BIN2: variants seen among roughly 807,000 people sequenced by gnomAD.
The protein encoded by BIN2 is breast cancer associated protein BRAP1.
BIN2 carries 43 observed loss-of-function variants against 67.9 expected under a neutral mutation model. The observed-to-expected ratio is 0.63, with a 90% CI of 0.50 to 0.82. The LOEUF is 0.82. Ranked by LOEUF, BIN2 falls within the 40% of genes least tolerant of loss-of-function variation. BIN2 has a pLI of 0.00. For synonymous variants in BIN2, 244 were observed against 246.8 expected, an observed-to-expected ratio of 0.99 and a Z score of 0.11; for missense variants, 581 against 671.6, an observed-to-expected ratio of 0.87 and a Z score of 1.49.
chr12:51,287,828 T>C (rs562625701), intron 11 of BIN2, among the ~76,000 whole-genome samples: 5 of 151,542 alleles, frequency 3.3e-5, no homozygotes, highest in Admixed American at 6.6e-5. Context: ...ATTTTTTGTA[T>C]TTTTAGTAGA....
chr12:51,286,626 T>TTA (rs2137341380), intron 11 of BIN2, among the ~76,000 whole-genome samples: 1 of 152,262 alleles, frequency 6.6e-6, no homozygotes, highest in South Asian at 2.1e-4. Flanking sequence ...ATATAATACA[T>TTA]TATAAAATCA....
intron 10 of BIN2, among the ~76,000 whole-genome samples, chr12:51,290,543 C>T (rs1294758714): frequency 6.6e-6 from 1 of 151,946 alleles, no homozygotes; most frequent in Non-Finnish European, 1.5e-5. Context: ...AAGTCAATTA[C>T]TGGCTGGGCG....
chr12:51,314,134 G>A lies in BIN2; in HGVS notation c.82-231C>T, dbSNP rs562560433. On this transcript the variant is annotated intron_variant, in intron 1 of 12. Transcript: ENST00000615107. ...ACGATCTCGGCTCACTGCAACCTTCGCCTCCCAGGTTCAAGCAATTCTCCT... is the reference window on the plus strand; with the variant it reads ...ACGATCTCGGCTCACTGCAACCTTCACCTCCCAGGTTCAAGCAATTCTCCT... Among the ~76,000 whole-genome samples the A allele has an allele frequency of 1.1e-4, 17 of 151,864 alleles. No individual in the cohort carries two copies. In the South Asian group the frequency reaches 1.2e-3, roughly 11 times the overall value.
At chr12:51,300,673 A>G (rs1320481128) in intron 5 of BIN2, among the ~76,000 whole-genome samples, 1 of 152,196 alleles carries the variant, frequency 6.6e-6, no homozygotes, top group African/African-American at 2.4e-5. Flanking sequence ...GAACCGTTTC[A>G]TTCTCTCAGT....
At chr12:51,287,593 G>T (rs4991750) in intron 11 of BIN2, among the ~76,000 whole-genome samples, 1 of 151,554 alleles carries the variant, frequency 6.6e-6, no homozygotes, top group African/African-American at 2.4e-5. Flanking sequence ...CGCCCACCTC[G>T]GCCTCCCAAA....
At chr12:51,313,446 C>T (rs1481825353) in intron 2 of BIN2, among the ~76,000 whole-genome samples, 1 of 151,862 alleles carries the variant, frequency 6.6e-6, no homozygotes, top group Non-Finnish European at 1.5e-5. Flanking sequence ...TCAAGTGATT[C>T]TCCTGCCTCA....
In BIN2 at chr12:51,288,106, A is replaced by T. The variant is rs753858744; in HGVS notation, c.1596+2T>A. ...CATGTAGATGACTTAGGCTTTTAGT[A>T]CCTCCGAGGAGTTAGCTGAGATAAG... On this transcript the variant is annotated splice_donor_variant, in intron 11 of 12. Transcript: ENST00000615107. LOFTEE classifies it high-confidence loss of function. The T allele has an allele frequency of 3.1e-6, 5 of 1,607,272 alleles. No homozygotes were observed. In the African/African-American group the frequency reaches 5.3e-5, roughly 17 times the overall value.
At chr12:51,315,548 C>T (rs1269752406) in intron 1 of BIN2, among the ~76,000 whole-genome samples, 2 of 152,168 alleles carry the variant, frequency 1.3e-5, no homozygotes, top group Non-Finnish European at 2.9e-5. Flanking sequence ...GTTGAGAAAA[C>T]TGTAAACTGT....
chr12:51,321,742 G>A (rs928625744), intron 1 of BIN2, among the ~76,000 whole-genome samples: 12 of 152,260 alleles, frequency 7.9e-5, no homozygotes, highest in East Asian at 1.9e-4. Flanking sequence ...CATAATAGGC[G>A]CTTGATATTT....
At chr12:51,315,819 T>C (rs1402703282) in intron 1 of BIN2, among the ~76,000 whole-genome samples, 1 of 152,208 alleles carries the variant, frequency 6.6e-6, no homozygotes, top group Admixed American at 6.5e-5. Context: ...ATGTCAGTGC[T>C]AATGCAAAAG....
chr12:51,286,725 A>T (rs879931200), intron 11 of BIN2, among the ~76,000 whole-genome samples: 14 of 152,212 alleles, frequency 9.2e-5, no homozygotes, highest in Non-Finnish European at 1.8e-4. Flanking sequence ...CCCCGCATCT[A>T]TCCTGCACTT....
chr12:51,295,101 T>A (rs930770451), intron 9 of BIN2, among the ~76,000 whole-genome samples: 2 of 151,034 alleles, frequency 1.3e-5, no homozygotes, highest in Non-Finnish European at 3.0e-5. Flanking sequence ...CCCGGCTAAT[T>A]TTTTTTTTCT....
At chr12:51,317,905 A>G (rs1266767046) in intron 1 of BIN2, among the ~76,000 whole-genome samples, 1 of 152,086 alleles carries the variant, frequency 6.6e-6, no homozygotes, top group African/African-American at 2.4e-5. Flanking sequence ...GGAGAATGGC[A>G]TGAACCCGGG....
chr12:51,319,921 G>A (rs79723082), intron 1 of BIN2, among the ~76,000 whole-genome samples: 89 of 152,190 alleles, frequency 5.8e-4, no homozygotes, highest in Non-Finnish European at 1.1e-3. Context: ...TTTCTTAGGT[G>A]CAGTAAATTT....
chr12:51,293,230 T>A (rs944650434), intron 9 of BIN2, among the ~76,000 whole-genome samples: 1 of 151,998 alleles, frequency 6.6e-6, no homozygotes, highest in Non-Finnish European at 1.5e-5. Flanking sequence ...TGCTATGTGC[T>A]GGATGCCATG....
rs1945667599 is a variant in BIN2, at chr12:51,299,652, C to T, written c.471G>A (p.Glu157=). The T allele has an allele frequency of 6.2e-7, 1 of 1,614,146 alleles. No homozygotes were observed. Among genetic ancestry groups the T allele is most frequent in the Non-Finnish European group, 8.5e-7 (1 of 1,180,034 alleles). ...CTTTCTTCTTGGCATTCTGCACTGCCTCCAGGTGGTGTCGGGCACTGTCAT... is the reference window on the plus strand; with the variant it reads ...CTTTCTTCTTGGCATTCTGCACTGCTTCCAGGTGGTGTCGGGCACTGTCAT... The part of the protein sequence containing the change: ...VDYDSARHHL[E]AVQNAKKKDE... Residue 157 remains glutamate (E), a synonymous_variant, in exon 6 of 13, where the codon GAG becomes GAA. Coordinates refer to ENST00000615107, the MANE Select transcript of BIN2 (RefSeq NM_016293.4).
intron 9 of BIN2, among the ~76,000 whole-genome samples, chr12:51,295,560 C>A (rs1408830519): frequency 6.1e-5 from 2 of 32,776 alleles, no homozygotes; most frequent in East Asian, 9.6e-4. Flanking sequence ...GAGACTCCGT[C>A]TCAAAAAAAA....
At chr12:51,296,291 T>C (rs1350911086) in intron 8 of BIN2, among the ~76,000 whole-genome samples, 4 of 152,006 alleles carry the variant, frequency 2.6e-5, no homozygotes, top group Non-Finnish European at 5.9e-5. Context: ...GGTCAGGAGA[T>C]CGAGACCATC....
chr12:51,304,789 G>A (rs1945824536), intron 2 of BIN2, among the ~76,000 whole-genome samples: 1 of 152,108 alleles, frequency 6.6e-6, no homozygotes, highest in African/African-American at 2.4e-5. Context: ...GGCCGAGGCG[G>A]GCGGATCACG....
Sources: allele counts gnomAD v4.1 joint callset (sites outside exome capture counted in the v4.1 genomes callset), GRCh38; gene constraint gnomAD v4.1.1; transcripts MANE v1.5; gene names NCBI Gene and HGNC (gene_info 2026-07-23, HGNC 2026-07-21).